The following TAX1BP1 variants were observed in gnomAD, a reference collection of about 807,000 sequenced individuals.
TAX1BP1 encodes the protein Tax1 binding protein 1, also known as tax1-binding protein 1.
A neutral mutation model predicts 97.7 loss-of-function variants in TAX1BP1; 62 were observed. The observed-to-expected ratio is 0.63, with a 90% CI of 0.52 to 0.78. The LOEUF (loss-of-function observed/expected upper bound fraction) is 0.78. Among genes scored for constraint, TAX1BP1 ranks in the 30% least tolerant of loss-of-function variants. TAX1BP1 has a pLI of 0.00. For synonymous variants in TAX1BP1, 340 were observed against 304.2 expected, an observed-to-expected ratio of 1.12 and a Z score of -1.23; for missense variants, 867 against 916.1, an observed-to-expected ratio of 0.95 and a Z score of 0.69.
chr7:27,808,086 C>T (rs1422731181), intron 13 of TAX1BP1, among the ~76,000 whole-genome samples: 1 of 152,130 alleles, frequency 6.6e-6, no homozygotes, highest in East Asian at 1.9e-4. Flanking sequence ...AGTCTTTTCT[C>T]CAAGGAGCCC....
rs749325814 is a variant in TAX1BP1, at chr7:27,827,824, G to GT, written c.2168+8dup. 6.2e-7 allele frequency: 1 copy of GT among 1,612,922 alleles called. No individual in the cohort carries two copies. Among genetic ancestry groups the GT allele is most frequent in the East Asian group, 2.2e-5 (1 of 44,838 alleles). ...CAGGCTTTTGCTTTGATTCCAGGTA[G>GT]TTTTCTTCTTTACTTTGTAGAATTT... On this transcript the variant is annotated splice_donor_region_variant and intron_variant, in intron 16 of 16. Transcript: ENST00000396319.
At chr7:27,815,608 G>GT (rs1206360249) in intron 13 of TAX1BP1, among the ~76,000 whole-genome samples, 1 of 152,084 alleles carries the variant, frequency 6.6e-6, no homozygotes, top group East Asian at 1.9e-4. Flanking sequence ...TGAAATCCTT[G>GT]TTTTTGGTAT....
intron 2 of TAX1BP1, among the ~76,000 whole-genome samples, chr7:27,755,365 A>G (rs1405829882): frequency 1.3e-5 from 2 of 151,912 alleles, no homozygotes; most frequent in Non-Finnish European, 1.5e-5. Flanking sequence ...CCCTTTATTC[A>G]TCTCCAAACA....
intron 12 of TAX1BP1, among the ~76,000 whole-genome samples, chr7:27,796,642 G>A (rs1287763547): frequency 2.0e-5 from 3 of 152,040 alleles, no homozygotes; most frequent in Non-Finnish European, 4.4e-5. Flanking sequence ...TGGGTGGATC[G>A]CTTGAGGCCA....
chr7:27,806,409 T>G lies in TAX1BP1; in HGVS notation c.1764+6319T>G, dbSNP rs371653406. ...TTTTTTTTTTTAACATTAAAATTTC[T>G]TATCCATTTAGAATTTATTCTTGGA... On this transcript the variant is annotated intron_variant, in intron 13 of 16. Transcript: ENST00000396319. 4.9e-4 allele frequency among the ~76,000 whole-genome samples: 75 copies of G among 152,242 alleles called. No individual in the cohort carries two copies. In the East Asian group the frequency reaches 9.6e-3, roughly 20 times the overall value.
chr7:27,750,539 C>T (rs1787983204), intron 2 of TAX1BP1, among the ~76,000 whole-genome samples: 1 of 152,146 alleles, frequency 6.6e-6, no homozygotes, highest in East Asian at 1.9e-4. Context: ...GCATAAGCTT[C>T]AGTTAGGGAA....
At chr7:27,824,891 A>G (rs1791114259) in intron 15 of TAX1BP1, among the ~76,000 whole-genome samples, 1 of 151,008 alleles carries the variant, frequency 6.6e-6, no homozygotes, top group Non-Finnish European at 1.5e-5. Context: ...GGTATTCTCA[A>G]TAAAATTTGC....
Position 27,807,836 on chromosome 7 carries a change from A to G in TAX1BP1, c.1764+7746A>G, listed in dbSNP as rs542882173. On this transcript the variant is annotated intron_variant, in intron 13 of 16. Coordinates refer to ENST00000396319, the MANE Select transcript of TAX1BP1 (RefSeq NM_006024.7). ...TCTTTTCTTTCTCCCCAATTTGTTTATTTATTCATTGATATTTATCATTGT... is the reference window on the plus strand; with the variant it reads ...TCTTTTCTTTCTCCCCAATTTGTTTGTTTATTCATTGATATTTATCATTGT... 2.6e-5 allele frequency among the ~76,000 whole-genome samples: 4 copies of G among 151,918 alleles called. No homozygotes were observed. The South Asian group carries it at 8.3e-4, about 32-fold the overall frequency.
intron 14 of TAX1BP1, 40 bp downstream of exon 14, chr7:27,816,560 G>A (rs1402275189): frequency 6.8e-7 from 1 of 1,477,254 alleles, no homozygotes; most frequent in Middle Eastern, 1.8e-4. Flanking sequence ...GCTGCATCTG[G>A]AGATTTTTTT....
chr7:27,804,078 T>A lies in TAX1BP1; in HGVS notation c.1764+3988T>A, dbSNP rs1242430194. Reference sequence around the variant, plus strand: ...CTGGAATTTTGAAAAACTTGTTATCTTCCAGTGTAAGCTTGATGCTTTCCA... The same window carrying A: ...CTGGAATTTTGAAAAACTTGTTATCATCCAGTGTAAGCTTGATGCTTTCCA... On this transcript the variant is annotated intron_variant, in intron 13 of 16. Coordinates refer to ENST00000396319, the MANE Select transcript of TAX1BP1 (RefSeq NM_006024.7). 2.0e-5 allele frequency among the ~76,000 whole-genome samples: 3 copies of A among 152,228 alleles called. No individual in the cohort carries two copies. The South Asian group carries it at 6.2e-4, about 32-fold the overall frequency.
At chr7:27,754,373 T>A (rs1239256612) in intron 2 of TAX1BP1, among the ~76,000 whole-genome samples, 2 of 148,526 alleles carry the variant, frequency 1.3e-5, no homozygotes, top group African/African-American at 2.4e-5. Context: ...TAAAAAAAAA[T>A]TACAATTATA....
At chr7:27,765,191 T>C (rs1400607481) in intron 3 of TAX1BP1, among the ~76,000 whole-genome samples, 9 of 149,762 alleles carry the variant, frequency 6.0e-5, no homozygotes, top group African/African-American at 2.2e-4. Context: ...AATTTTTGTA[T>C]TTTTTGTAGT....
chr7:27,806,623 A>T (rs537303210), intron 13 of TAX1BP1, among the ~76,000 whole-genome samples: 1 of 152,234 alleles, frequency 6.6e-6, no homozygotes, highest in Non-Finnish European at 1.5e-5. Flanking sequence ...GTCTACTCAT[A>T]TGGTAGTAAC....
At chr7:27,811,658 A>T (rs985715556) in intron 13 of TAX1BP1, among the ~76,000 whole-genome samples, 5 of 151,858 alleles carry the variant, frequency 3.3e-5, no homozygotes, top group African/African-American at 1.2e-4. Context: ...ATAGAGTTTG[A>T]TGACTTTTGG....
intron 4 of TAX1BP1, 110 bp from the exon 5 acceptor site, chr7:27,769,566 C>T (rs1042366868): frequency 6.7e-6 from 6 of 895,106 alleles, no homozygotes; most frequent in Non-Finnish European, 8.3e-6. Flanking sequence ...TGTAAGAGTT[C>T]TTTCTGTGAA....
chr7:27,781,656 G>C (rs1201404043), intron 5 of TAX1BP1, among the ~76,000 whole-genome samples: 1 of 152,020 alleles, frequency 6.6e-6, no homozygotes, highest in African/African-American at 2.4e-5. Flanking sequence ...GGGCATTGCT[G>C]TACACTACTG....
intron 13 of TAX1BP1, among the ~76,000 whole-genome samples, chr7:27,807,238 C>T (rs1047398623): frequency 1.3e-5 from 2 of 152,142 alleles, no homozygotes; most frequent in Non-Finnish European, 2.9e-5. Context: ...GATGTTCTTT[C>T]AGCCATGTTA....
intron 5 of TAX1BP1, among the ~76,000 whole-genome samples, chr7:27,784,140 T>C (rs1562719304): frequency 6.6e-6 from 1 of 152,218 alleles, no homozygotes; most frequent in South Asian, 2.1e-4. Flanking sequence ...ATAAATACTA[T>C]ATAATCTTTC....
At chr7:27,757,090 C>A (rs773815444) in intron 2 of TAX1BP1, among the ~76,000 whole-genome samples, 1 of 152,084 alleles carries the variant, frequency 6.6e-6, no homozygotes, top group Non-Finnish European at 1.5e-5. Flanking sequence ...GACTAAGGTT[C>A]GTCCAGCTTC....
Sources: gnomAD v4.1 joint callset for allele counts (sites outside exome capture counted in the v4.1 genomes callset) on GRCh38, gnomAD v4.1.1 for gene constraint, MANE v1.5 for transcripts, NCBI Gene and HGNC (gene_info 2026-07-23, HGNC 2026-07-21) for gene names.